The following ZNF343 variants were observed in gnomAD, a reference collection of about 807,000 sequenced individuals.
The protein encoded by ZNF343 is zinc finger protein 343.
In ZNF343, 11 loss-of-function variants were observed where a neutral mutation model predicts 13.8. The ratio of observed to expected loss-of-function variants is 0.80; its 90% CI spans 0.50 to 1.32. ZNF343 has a LOEUF of 1.32. ZNF343 is among the 40% of genes most tolerant of loss of function. The pLI is 0.00. For synonymous variants in ZNF343, 248 were observed against 260.0 expected (o/e 0.95, Z 0.44); for missense variants, 658 against 714.2 (o/e 0.92, Z 0.90).
intron 1 of ZNF343, among the ~76,000 whole-genome samples, chr20:2,514,273 C>T (rs937072501): frequency 2.0e-5 from 3 of 152,030 alleles, no homozygotes; most frequent in African/African-American, 7.3e-5. Context: ...TAAATATCAC[C>T]TTTATATGAG....
chr20:2,502,684 A>C (rs2085589512), intron 1 of ZNF343, among the ~76,000 whole-genome samples: 1 of 152,232 alleles, frequency 6.6e-6, no homozygotes, highest in Admixed American at 6.5e-5. Context: ...AAGAATTTTC[A>C]ACCCAGAATT....
intron 5 of ZNF343, among the ~76,000 whole-genome samples, chr20:2,489,147 TA>T (rs918281402): frequency 2.0e-5 from 3 of 152,240 alleles, no homozygotes; most frequent in African/African-American, 7.2e-5. Context: ...TGTGGTTATG[TA>T]AGAATCCATT....
At position 2,518,709 on chromosome 20, in the gene ZNF343, A is replaced by G. The variant is rs2085770380; in HGVS notation, c.-347+5746T>C. Among the ~76,000 whole-genome samples, 1 of 152,082 alleles carries G rather than the reference A, an allele frequency of 6.6e-6. No homozygotes were observed. Among genetic ancestry groups the G allele is most frequent in the African/African-American group, 2.4e-5 (1 of 41,396 alleles). On this transcript the variant is annotated intron_variant, in intron 1 of 6. Coordinates refer to the ZNF343 transcript ENST00000358413. The surrounding 1 kb of genome is among the most constrained non-coding windows in gnomAD (Gnocchi z 4.6). ...TCCACTCAATACCTATGCTCTGACA[A>G]TCACCCACACACCACCTACCTCTCC...
intron 1 of ZNF343, among the ~76,000 whole-genome samples, chr20:2,502,777 C>A (rs2085591191): frequency 6.6e-6 from 1 of 152,154 alleles, no homozygotes; most frequent in African/African-American, 2.4e-5. Context: ...GATTTGGTCA[C>A]CACCAGGCCT....
intron 5 of ZNF343, among the ~76,000 whole-genome samples, chr20:2,488,813 C>T (rs993008563): frequency 2.0e-5 from 3 of 152,076 alleles, no homozygotes; most frequent in Admixed American, 6.6e-5. Context: ...GGGACGCCCA[C>T]GCAGGTGGAT....
chr20:2,489,922 T>C (rs1165732398), intron 5 of ZNF343, among the ~76,000 whole-genome samples: 1 of 150,462 alleles, frequency 6.6e-6, no homozygotes, highest in African/African-American at 2.5e-5. Context: ...GAGGCTGGGG[T>C]GGGTGGATTG....
chr20:2,516,949 A>G (rs2085762060), intron 1 of ZNF343, among the ~76,000 whole-genome samples: 1 of 152,156 alleles, frequency 6.6e-6, no homozygotes, highest in African/African-American at 2.4e-5. Flanking sequence ...TGTCACGGTC[A>G]TTACTTTTTG....
At chr20:2,517,611 C>T (rs2085765054) in intron 1 of ZNF343, among the ~76,000 whole-genome samples, 2 of 151,850 alleles carry the variant, frequency 1.3e-5, no homozygotes, top group East Asian at 3.9e-4. Flanking sequence ...AAGCAGTCCT[C>T]CCACCTCAGC....
At chr20:2,504,929 A>G (rs185463166) in intron 1 of ZNF343, among the ~76,000 whole-genome samples, 2 of 152,320 alleles carry the variant, frequency 1.3e-5, no homozygotes, top group East Asian at 1.9e-4. Flanking sequence ...CCTATTCAAC[A>G]TAATTGTTGG....
At chr20:2,515,886 T>C (rs954942939) in intron 1 of ZNF343, among the ~76,000 whole-genome samples, 2 of 152,064 alleles carry the variant, frequency 1.3e-5, no homozygotes, top group African/African-American at 4.8e-5. Flanking sequence ...CGTATCTGCA[T>C]CATCAGGAGG....
chr20:2,506,302 C>G, intron 1 of ZNF343, among the ~76,000 whole-genome samples: 1 of 152,086 alleles, frequency 6.6e-6, no homozygotes, highest in Middle Eastern at 3.2e-3. Flanking sequence ...ACAACAGGTG[C>G]TGGAGAGGAT....
chr20:2,492,632 G>A, intron 5 of ZNF343, 67 bp downstream of exon 5: 1 of 1,555,960 alleles, frequency 6.4e-7, no homozygotes, highest in Non-Finnish European at 8.7e-7. Flanking sequence ...ATTTTTTTGT[G>A]GTACATATTA....
chr20:2,511,341 C>T (rs1281394317), upstream of ZNF343, among the ~76,000 whole-genome samples: 4 of 152,064 alleles, frequency 2.6e-5, no homozygotes, highest in African/African-American at 9.7e-5. Context: ...AACTCCTAGG[C>T]TCAGGTGATT....
intron 1 of ZNF343, among the ~76,000 whole-genome samples, chr20:2,520,684 T>C (rs2085778540): frequency 6.6e-6 from 1 of 152,312 alleles, no homozygotes; most frequent in South Asian, 2.1e-4. Context: ...GGGAAGATCA[T>C]TGGTCAGCTC....
intron 2 of ZNF343, among the ~76,000 whole-genome samples, chr20:2,499,464 C>CAAAAAAAAAA (rs35155995): frequency 4.5e-5 from 3 of 66,538 alleles, no homozygotes; most frequent in Non-Finnish European, 8.0e-5. Context: ...GACTCCGTCT[C>CAAAAAAAAAA]AAAAAAAAAA....
chr20:2,515,502 A>G (rs1049155230), intron 1 of ZNF343, among the ~76,000 whole-genome samples: 4 of 152,352 alleles, frequency 2.6e-5, no homozygotes, highest in South Asian at 4.1e-4. Flanking sequence ...TTCCAAAAGC[A>G]TTCAAAAGTA....
chr20:2,502,560 G>C (rs1258210688), intron 1 of ZNF343, among the ~76,000 whole-genome samples: 1 of 152,098 alleles, frequency 6.6e-6, no homozygotes, highest in Non-Finnish European at 1.5e-5. Flanking sequence ...GGCAGCCAGA[G>C]AGAAAGGTCG....
chr20:2,511,873 A>G (rs2085740629), upstream of ZNF343, among the ~76,000 whole-genome samples: 1 of 152,218 alleles, frequency 6.6e-6, no homozygotes, highest in South Asian at 2.1e-4. Context: ...AAGGATGCTT[A>G]CTTTTGCCAC....
chr20:2,489,196 C>T (rs1007792925), intron 5 of ZNF343, among the ~76,000 whole-genome samples: 20 of 152,116 alleles, frequency 1.3e-4, no homozygotes, highest in African/African-American at 3.4e-4. Flanking sequence ...TTAAGGGTGT[C>T]GTGATATTTA....
Sources: allele counts gnomAD v4.1 joint callset (sites outside exome capture counted in the v4.1 genomes callset), GRCh38; gene constraint gnomAD v4.1.1; non-coding constraint Gnocchi (gnomAD v3.1); transcripts MANE v1.5; gene names NCBI Gene and HGNC (gene_info 2026-07-23, HGNC 2026-07-21).